The following HS6ST3 variants were observed in gnomAD, a reference collection of about 807,000 sequenced individuals.
HS6ST3 encodes heparan-sulfate 6-O-sulfotransferase 3.
In HS6ST3, 12 loss-of-function variants were observed where a neutral mutation model predicts 36.7. That is an observed-to-expected ratio of 0.33 (90% CI 0.21 to 0.53). The LOEUF is 0.53. HS6ST3 is among the 20% of genes least tolerant of loss of function. The probability of loss-of-function intolerance (pLI) is 0.95; values close to 1 mark genes in which losing one functional copy is unlikely to be tolerated. For synonymous variants in HS6ST3, 240 were observed against 257.5 expected (o/e 0.93, Z 0.65); for missense variants, 584 against 640.9 (o/e 0.91, Z 0.96).
At chr13:96,443,117 A>G (rs559666723) in intron 1 of HS6ST3, among the ~76,000 whole-genome samples, 1 of 152,236 alleles carries the variant, frequency 6.6e-6, no homozygotes, top group East Asian at 1.9e-4. Flanking sequence ...TTATAAAAGG[A>G]ATCATAACAC....
intron 1 of HS6ST3, among the ~76,000 whole-genome samples, chr13:96,619,179 A>T (rs940375175): frequency 6.6e-6 from 1 of 152,230 alleles, no homozygotes; most frequent in Non-Finnish European, 1.5e-5. Context: ...GTAGACACTT[A>T]AGGTTACATT....
chr13:96,756,654 A>C (rs1401110658), intron 1 of HS6ST3, among the ~76,000 whole-genome samples: 1 of 152,178 alleles, frequency 6.6e-6, no homozygotes, highest in Non-Finnish European at 1.5e-5. Context: ...TAATATTTAA[A>C]ATTTGTCCCA....
At chr13:96,499,269 G>A (rs1020957231) in intron 1 of HS6ST3, among the ~76,000 whole-genome samples, 13 of 152,078 alleles carry the variant, frequency 8.5e-5, no homozygotes, top group Middle Eastern at 3.4e-3. Flanking sequence ...CAGGTGATCC[G>A]CCCACCTCGG....
intron 1 of HS6ST3, among the ~76,000 whole-genome samples, chr13:96,747,814 A>T (rs928700200): frequency 2.0e-5 from 3 of 152,030 alleles, no homozygotes; most frequent in Non-Finnish European, 4.4e-5. Flanking sequence ...GGGGAACTAG[A>T]GACAGTGTGC....
intron 1 of HS6ST3, among the ~76,000 whole-genome samples, chr13:96,483,850 T>C (rs2055901184): frequency 6.6e-6 from 1 of 152,162 alleles, no homozygotes; most frequent in Non-Finnish European, 1.5e-5. Flanking sequence ...TTTTCTCTTG[T>C]GTTATCGTCT....
intron 1 of HS6ST3, among the ~76,000 whole-genome samples, chr13:96,536,103 C>A (rs569085717): frequency 4.7e-4 from 72 of 152,276 alleles, no homozygotes; most frequent in African/African-American, 1.7e-3. Context: ...TGTGTACCCC[C>A]ATGCTTAAAT....
At chr13:96,491,472 CAAAAAA>C (rs10632047) in intron 1 of HS6ST3, among the ~76,000 whole-genome samples, 1 of 123,724 alleles carries the variant, frequency 8.1e-6, no homozygotes, top group East Asian at 2.5e-4. Context: ...TACTAATGTG[CAAAAAA>C]AAAAAAAAAA....
At chr13:96,101,781 GGAGAATATACCAACCT>G (rs1209610020) in intron 1 of HS6ST3, among the ~76,000 whole-genome samples, 1 of 152,102 alleles carries the variant, frequency 6.6e-6, no homozygotes, top group Non-Finnish European at 1.5e-5. Context: ...TGCCATCCAT[GGAGAATATACCAACCT>G]GAATCTTCTC....
At chr13:96,676,727 C>A (rs2056700045) in intron 1 of HS6ST3, among the ~76,000 whole-genome samples, 1 of 152,134 alleles carries the variant, frequency 6.6e-6, no homozygotes, top group African/African-American at 2.4e-5. Context: ...ACATGTTCCT[C>A]AGAAACTACC....
intron 1 of HS6ST3, among the ~76,000 whole-genome samples, chr13:96,175,782 G>C (rs1318925430): frequency 1.3e-5 from 2 of 149,874 alleles, no homozygotes; most frequent in Non-Finnish European, 3.0e-5. Context: ...TATGGCTGCA[G>C]TATCCTCTTG....
chr13:96,606,603 G>GAGGA (rs2056439759), intron 1 of HS6ST3, among the ~76,000 whole-genome samples: 1 of 69,624 alleles, frequency 1.4e-5, no homozygotes, highest in Non-Finnish European at 2.5e-5. Flanking sequence ...CAGAGGGAGG[G>GAGGA]AGGGAGGGAG....
chr13:96,736,248 C>CA (rs1243223942), intron 1 of HS6ST3, among the ~76,000 whole-genome samples: 9 of 152,114 alleles, frequency 5.9e-5, no homozygotes, highest in East Asian at 1.9e-4. Context: ...AAAAAACAAA[C>CA]AAACAAGTGA....
chr13:96,095,703 G>C (rs930237875), intron 1 of HS6ST3, among the ~76,000 whole-genome samples: 2 of 152,182 alleles, frequency 1.3e-5, no homozygotes, highest in African/African-American at 4.8e-5. Context: ...ACAGCCGAGA[G>C]GGAAGCAGGC....
chr13:96,579,673 C>T (rs569751097), intron 1 of HS6ST3, among the ~76,000 whole-genome samples: 1 of 152,140 alleles, frequency 6.6e-6, no homozygotes, highest in African/African-American at 2.4e-5. Context: ...AGGGCAAAAA[C>T]ATCAGTTAAG....
rs1257626332 is a variant in HS6ST3 at position 96,839,008 on chromosome 13, A to C, written c.*5810A>C. ...CAAGATGTCTGTGGAAAGGATTGCA[A>C]CTGTCATCCTTTGGCACACTCAGTG... On this transcript the variant is annotated 3_prime_UTR_variant, in exon 2 of 2. Transcript: ENST00000376705. 1 of 152,218 alleles carries C rather than the reference A, an allele frequency of 6.6e-6. No homozygotes were observed. Among genetic ancestry groups the C allele is most frequent in the Non-Finnish European group, 1.5e-5 (1 of 68,050 alleles). The allele number at this position is 152,218 out of a possible 1,614,324, so 9.4% of individuals were successfully genotyped here.
chr13:96,763,197 T>G (rs1444526308), intron 1 of HS6ST3, among the ~76,000 whole-genome samples: 6 of 151,726 alleles, frequency 4.0e-5, no homozygotes, highest in African/African-American at 1.4e-4. Context: ...TTACAAAGGT[T>G]TTTTAAACAT....
At chr13:96,429,379 AC>A (rs2055603620) in intron 1 of HS6ST3, among the ~76,000 whole-genome samples, 1 of 152,216 alleles carries the variant, frequency 6.6e-6, no homozygotes, top group Admixed American at 6.5e-5. Context: ...TTACTATTCC[AC>A]TACATGATCT....
At chr13:96,311,533 C>A (rs1255157081) in intron 1 of HS6ST3, among the ~76,000 whole-genome samples, 1 of 151,982 alleles carries the variant, frequency 6.6e-6, no homozygotes, top group Non-Finnish European at 1.5e-5. Flanking sequence ...CCAGAGTAGT[C>A]GTCATGAAAC....
chr13:96,313,657 T>G (rs1323643310), intron 1 of HS6ST3, among the ~76,000 whole-genome samples: 2 of 152,212 alleles, frequency 1.3e-5, no homozygotes, highest in African/African-American at 4.8e-5. Context: ...TAGCCTCAGA[T>G]ATTCTGTTCC....
Sources: gnomAD v4.1 joint callset for allele counts (sites outside exome capture counted in the v4.1 genomes callset) on GRCh38, gnomAD v4.1.1 for gene constraint, MANE v1.5 for transcripts, NCBI Gene and HGNC (gene_info 2026-07-23, HGNC 2026-07-21) for gene names.